The following KAZN variants were observed in gnomAD, a reference collection of about 807,000 sequenced individuals.
KAZN encodes the protein kazrin.
In KAZN, 40 loss-of-function variants were observed where a neutral mutation model predicts 87.4. The observed-to-expected ratio is 0.46, with a 90% CI of 0.36 to 0.60. The LOEUF (loss-of-function observed/expected upper bound fraction) is 0.60, where lower values mean the gene tolerates loss of function less well. Ranked by LOEUF, KAZN falls within the 20% of genes least tolerant of loss-of-function variation. The pLI, the probability that KAZN is intolerant of heterozygous loss-of-function variation, is 0.00. For synonymous variants in KAZN, 466 were observed against 458.3 expected, an observed-to-expected ratio of 1.02 and a Z score of -0.22; for missense variants, 898 against 1,073.9, an observed-to-expected ratio of 0.84 and a Z score of 2.29.
chr1:14,396,090 C>T (rs1662874030), intron 2 of KAZN, among the ~76,000 whole-genome samples: 1 of 150,280 alleles, frequency 6.7e-6, no homozygotes, highest in Non-Finnish European at 1.5e-5. Flanking sequence ...ATCGCTTGAA[C>T]CCGGGAGGCA....
chr1:14,158,802 G>T (rs926034527), intron 1 of KAZN, among the ~76,000 whole-genome samples: 4 of 152,182 alleles, frequency 2.6e-5, no homozygotes, highest in Non-Finnish European at 5.9e-5. Context: ...GATCTAAGCT[G>T]TCTCTGCTTT....
intron 1 of KAZN, among the ~76,000 whole-genome samples, chr1:14,720,993 G>T (rs144084847): frequency 7.5e-4 from 114 of 152,284 alleles, no homozygotes; most frequent in African/African-American, 2.7e-3. Flanking sequence ...CCCTGCCCTT[G>T]TTTGTACCCT....
chr1:15,034,914 C>T (rs777786873), intron 3 of KAZN, 29 bp downstream of exon 3: 3 of 1,611,358 alleles, frequency 1.9e-6, no homozygotes, highest in Admixed American at 3.3e-5. Context: ...CTCCCCTCCC[C>T]TCCCGACACA....
At chr1:14,853,633 G>A (rs533289225) in intron 1 of KAZN, among the ~76,000 whole-genome samples, 55 of 152,302 alleles carry the variant, frequency 3.6e-4, no homozygotes, top group African/African-American at 1.3e-3. Context: ...ACAAAGTGCA[G>A]CAGTGCCCTT....
intron 1 of KAZN, among the ~76,000 whole-genome samples, chr1:14,128,506 A>G (rs916687860): frequency 6.6e-6 from 1 of 152,148 alleles, no homozygotes; most frequent in East Asian, 1.9e-4. Context: ...GCTTGCAGAC[A>G]GCGGCCTTCT....
At chr1:14,365,605 T>C (rs1371795389) in intron 2 of KAZN, among the ~76,000 whole-genome samples, 1 of 152,162 alleles carries the variant, frequency 6.6e-6, no homozygotes, top group African/African-American at 2.4e-5. Context: ...AGGTAATTCC[T>C]TGTGGTGGGG....
chr1:14,681,648 TATATATATA>T (rs1408321399), intron 1 of KAZN, among the ~76,000 whole-genome samples: 8 of 14,496 alleles, frequency 5.5e-4, no homozygotes, highest in South Asian at 8.0e-3. Flanking sequence ...TATATATATA[TATATATATA>T]TTTTTTTTTT....
chr1:14,283,251 TC>T (rs765165477), intron 2 of KAZN, among the ~76,000 whole-genome samples: 1 of 152,180 alleles, frequency 6.6e-6, no homozygotes, highest in African/African-American at 2.4e-5. Flanking sequence ...TTTTGTCAAG[TC>T]CCCAGATTTT....
chr1:14,902,641 G>T (rs1206848762), intron 1 of KAZN, among the ~76,000 whole-genome samples: 1 of 152,066 alleles, frequency 6.6e-6, no homozygotes, highest in Non-Finnish European at 1.5e-5. Flanking sequence ...TTGGAAAGTG[G>T]CATCATTAAG....
intron 2 of KAZN, among the ~76,000 whole-genome samples, chr1:14,983,327 T>C (rs1666450070): frequency 6.6e-6 from 1 of 152,184 alleles, no homozygotes; most frequent in Non-Finnish European, 1.5e-5. Flanking sequence ...GCCTTGGTCC[T>C]AGGATTGGAA....
intron 1 of KAZN, among the ~76,000 whole-genome samples, chr1:14,061,620 C>A (rs1642798369): frequency 6.6e-6 from 1 of 152,230 alleles, no homozygotes; most frequent in Admixed American, 6.5e-5. Flanking sequence ...GGAGCTTTGA[C>A]ATGTGTTCCT....
intron 1 of KAZN, among the ~76,000 whole-genome samples, chr1:14,821,825 G>A (rs944508379): frequency 1.3e-4 from 20 of 152,182 alleles, no homozygotes; most frequent in African/African-American, 4.6e-4. Flanking sequence ...GAATCTCCCT[G>A]TGTAACAGAT....
At position 15,063,768 on chromosome 1, in the gene KAZN, C is replaced by G. The variant is rs1638999328; in HGVS notation, c.1098+146C>G. ...CACTTCCGCTGAGCCCACGTCCATA[C>G]TGCACACCCAAGGCGGAGAGGATTT... is the stretch of plus-strand genomic sequence containing the variant. On this transcript the variant is annotated intron_variant, in intron 7 of 14. Coordinates refer to ENST00000376030, the MANE Select transcript of KAZN (RefSeq NM_201628.3). The G allele has an allele frequency of 4.3e-6, 3 of 693,600 alleles. No homozygotes were observed. In the South Asian group the frequency reaches 4.8e-5, roughly 11 times the overall value. The allele number at this position is 693,600 out of a possible 1,614,324, so 43.0% of individuals were successfully genotyped here.
intron 2 of KAZN, among the ~76,000 whole-genome samples, chr1:14,223,492 A>G (rs1344425029): frequency 1.3e-4 from 20 of 152,244 alleles, no homozygotes; most frequent in Non-Finnish European, 1.0e-4. Flanking sequence ...TGGCTCACCC[A>G]TAATGTACAT....
intron 2 of KAZN, among the ~76,000 whole-genome samples, chr1:14,384,023 T>G (rs1287943692): frequency 6.6e-6 from 1 of 152,100 alleles, no homozygotes; most frequent in Non-Finnish European, 1.5e-5. Flanking sequence ...CTTGAAGAGG[T>G]CCTTCACATC....
chr1:14,771,860 A>C (rs1645028344), intron 1 of KAZN, among the ~76,000 whole-genome samples: 1 of 152,088 alleles, frequency 6.6e-6, no homozygotes, highest in East Asian at 1.9e-4. Context: ...TGCCTAATAA[A>C]GGGGTAGAAA....
intron 2 of KAZN, among the ~76,000 whole-genome samples, chr1:14,385,661 C>T (rs951049010): frequency 6.6e-6 from 1 of 151,966 alleles, no homozygotes; most frequent in Admixed American, 6.6e-5. Context: ...GGTTTGATTG[C>T]ACTGTGGTCT....
intron 1 of KAZN, among the ~76,000 whole-genome samples, chr1:13,979,339 A>C (rs1271988706): frequency 6.6e-6 from 1 of 152,226 alleles, no homozygotes; most frequent in African/African-American, 2.4e-5. Flanking sequence ...ACCAATAGCT[A>C]ATTTCTCAAC....
intron 1 of KAZN, among the ~76,000 whole-genome samples, chr1:14,667,837 C>T (rs866654825): frequency 6.6e-6 from 1 of 151,682 alleles, no homozygotes; most frequent in Non-Finnish European, 1.5e-5. Flanking sequence ...AAAATAATTT[C>T]ATTTTCAGAT....
Sources: gnomAD v4.1 joint callset for allele counts (sites outside exome capture counted in the v4.1 genomes callset) on GRCh38, gnomAD v4.1.1 for gene constraint, MANE v1.5 for transcripts, NCBI Gene and HGNC (gene_info 2026-07-23, HGNC 2026-07-21) for gene names.